TAOK1: variants seen among roughly 807,000 people sequenced by gnomAD.
TAOK1 encodes the protein TAO kinase 1, also known as serine/threonine-protein kinase TAO1.
A neutral mutation model predicts 138.3 loss-of-function variants in TAOK1; 21 were observed. That is an observed-to-expected ratio of 0.15 (90% CI 0.11 to 0.22). The LOEUF (loss-of-function observed/expected upper bound fraction) is 0.22. TAOK1 is among the 10% of genes least tolerant of loss of function. The pLI is 1.00. For synonymous variants in TAOK1, 361 were observed against 398.4 expected (o/e 0.91, Z 1.12); for missense variants, 651 against 1,227.7 (o/e 0.53, Z 7.02).
chr17:29,402,294 AAAG>A lies in TAOK1; in HGVS notation c.-95+11275_-95+11277del, dbSNP rs1289725064. On this transcript the variant is annotated intron_variant, in intron 1 of 19. Transcript: ENST00000261716. The stretch of plus-strand genomic sequence containing the variant: ...TCTCATGAATTGCAGAATTTTAAAA[AAAG>A]AAGACTTTCTATTTAATTTTTTTAA... Among the ~76,000 whole-genome samples, 4 of 152,254 alleles carry A rather than the reference AAAG, an allele frequency of 2.6e-5. No individual in the cohort carries two copies. The East Asian group carries it at 5.8e-4, about 22-fold the overall frequency.
At chr17:29,453,316 C>T (rs938218108) in intron 2 of TAOK1, among the ~76,000 whole-genome samples, 15 of 150,904 alleles carry the variant, frequency 9.9e-5, no homozygotes, top group Non-Finnish European at 1.8e-4. Context: ...CCCACCACCA[C>T]GCCCGGCTAA....
rs946556056 is a variant in TAOK1, at chr17:29,414,845, C to T, written c.-95+23821C>T. Among the ~76,000 whole-genome samples the T allele has an allele frequency of 2.6e-5, 4 of 152,326 alleles. No individual in the cohort carries two copies. In the South Asian group the frequency reaches 8.3e-4, roughly 32 times the overall value. ...AAGTGCTAGGATTACAGGCGTGAGC[C>T]ACCGCACCCTGCCTACTTTATTTTT... On this transcript the variant is annotated intron_variant, in intron 1 of 19. Transcript: ENST00000261716.
At chr17:29,405,945 T>A (rs1904979579) in intron 1 of TAOK1, among the ~76,000 whole-genome samples, 1 of 152,176 alleles carries the variant, frequency 6.6e-6, no homozygotes, top group South Asian at 2.1e-4. Context: ...ATTAATACAT[T>A]TTTTTGGTGT....
intron 11 of TAOK1, among the ~76,000 whole-genome samples, chr17:29,497,003 G>A (rs1364428162): frequency 6.6e-6 from 1 of 151,936 alleles, no homozygotes; most frequent in African/African-American, 2.4e-5. Context: ...TACTCTCAAG[G>A]CCAAGTTCTG....
intron 14 of TAOK1, among the ~76,000 whole-genome samples, chr17:29,509,627 CTCACACCTGTAA>C (rs1260231336): frequency 6.6e-6 from 1 of 151,582 alleles, no homozygotes; most frequent in Non-Finnish European, 1.5e-5. Context: ...GGTGCAGTGG[CTCACACCTGTAA>C]TCCCACCACT....
intron 15 of TAOK1, chr17:29,511,436 C>G (rs2031718073): frequency 6.6e-6 from 1 of 152,410 alleles, no homozygotes; most frequent in Admixed American, 6.6e-5. Flanking sequence ...CGGGGTTTCA[C>G]CATGTTAGCC....
chr17:29,502,625 A>G lies in TAOK1; in HGVS notation c.1240A>G (p.Thr414Ala). ...TTACAGAGAAGAGGGAGATCCTAGA[A>G]CAAGAGCATCAGATCCACAATCTCC... ...ENYREEGDPR[T>A]RASDPQSPPQ... The change falls in exon 13 of 20, where the codon ACA becomes GCA. Residue 414 changes from threonine (T) to alanine (A), a missense_variant. Physicochemically the swap from Thr to Ala is moderately conservative, Grantham distance 58 (BLOSUM62 0). Coordinates refer to ENST00000261716, the MANE Select transcript of TAOK1 (RefSeq NM_020791.4). The G allele has an allele frequency of 1.2e-6, 2 of 1,613,932 alleles. No homozygotes were observed. Among genetic ancestry groups the G allele is most frequent in the Non-Finnish European group, 8.5e-7 (1 of 1,179,940 alleles).
chr17:29,431,097 G>A (rs529298186), intron 1 of TAOK1, among the ~76,000 whole-genome samples: 15 of 152,278 alleles, frequency 9.9e-5, no homozygotes, highest in African/African-American at 3.6e-4. Flanking sequence ...CTTAGCACAA[G>A]TGATTCCATT....
chr17:29,419,821 A>G (rs537097278), intron 1 of TAOK1, among the ~76,000 whole-genome samples: 1 of 151,912 alleles, frequency 6.6e-6, no homozygotes, highest in Non-Finnish European at 1.5e-5. Context: ...TGAAAATGTT[A>G]TCTCCCCCCT....
chr17:29,542,592 A>G lies in TAOK1; in HGVS notation c.2576A>G (p.Glu859Gly). 6.2e-7 allele frequency: 1 copy of G among 1,610,818 alleles called. No individual in the cohort carries two copies. ...IEEEMLALQN[E>G]RTERIRSLLE... ...GAAGAGATGTTGGCTTTGCAGAATG[A>G]GCGCACAGAACGAATACGAAGCCTG... Residue 859 changes from glutamate (E) to glycine (G), a missense_variant, in exon 20 of 20, where the codon GAG becomes GGG. Physicochemically the swap from Glu to Gly is moderately conservative, Grantham distance 98. Around this residue, in one of 8 missense-constraint regions of TAOK1, gnomAD observed 258 missense variants for 548.9 expected, o/e 0.47. Transcript: ENST00000261716.
At chr17:29,502,787 C>T (rs772873578) in intron 13 of TAOK1, 64 bp downstream of exon 13, 3 of 1,540,598 alleles carry the variant, frequency 1.9e-6, no homozygotes, top group Non-Finnish European at 1.8e-6. Flanking sequence ...AATATAAACT[C>T]AAGTATAGCT....
At chr17:29,540,992 C>T (rs1008578553) in intron 19 of TAOK1, among the ~76,000 whole-genome samples, 68 of 152,070 alleles carry the variant, frequency 4.5e-4, no homozygotes, top group Non-Finnish European at 9.0e-4. Flanking sequence ...AGGCATGAGC[C>T]ACCACGCCCG....
intron 12 of TAOK1, among the ~76,000 whole-genome samples, chr17:29,499,904 G>C (rs1304843146): frequency 2.0e-5 from 3 of 152,114 alleles, no homozygotes; most frequent in African/African-American, 7.2e-5. Context: ...GAAAACTGTA[G>C]ATTCTGGGTT....
At chr17:29,434,341 C>T (rs767482110) in intron 1 of TAOK1, among the ~76,000 whole-genome samples, 2 of 152,072 alleles carry the variant, frequency 1.3e-5, no homozygotes, top group Non-Finnish European at 2.9e-5. Context: ...AGGGAAAAAG[C>T]CTCCTTTTAA....
chr17:29,447,955 CTTTTTTT>C (rs56163080), intron 1 of TAOK1, among the ~76,000 whole-genome samples: 2 of 93,270 alleles, frequency 2.1e-5, no homozygotes, highest in Non-Finnish European at 4.1e-5. Flanking sequence ...TGCACCTGGT[CTTTTTTT>C]TTTTTTTTTT....
At position 29,530,460 on chromosome 17, in the gene TAOK1, C is replaced by T. The variant is rs1443877227; in HGVS notation, c.2202C>T (p.Thr734=). 1.9e-6 allele frequency: 3 copies of T among 1,614,058 alleles called. No individual in the cohort carries two copies. Among genetic ancestry groups the T allele is most frequent in the South Asian group, 2.2e-5 (2 of 91,072 alleles). Residue 734 remains threonine, a synonymous_variant, in exon 18 of 20, where the codon ACC becomes ACT. Coordinates refer to ENST00000261716, the MANE Select transcript of TAOK1 (RefSeq NM_020791.4). ...TTCAGGATACCTGCAAAATCCAAAC[C>T]AGACAGTACAAAGCATTAAGAAATC... ...KQFQDTCKIQ[T]RQYKALRNHL...
intron 1 of TAOK1, among the ~76,000 whole-genome samples, chr17:29,409,421 G>A (rs892242353): frequency 7.0e-6 from 1 of 143,074 alleles, no homozygotes; most frequent in African/African-American, 2.6e-5. Flanking sequence ...TGCAAGCTCC[G>A]CCTCCCAGGT....
intron 1 of TAOK1, among the ~76,000 whole-genome samples, chr17:29,423,679 TC>T (rs1191645841): frequency 6.6e-6 from 1 of 152,198 alleles, no homozygotes; most frequent in Non-Finnish European, 1.5e-5. Flanking sequence ...TTGATATTTT[TC>T]TGATTTTTGA....
chr17:29,406,404 A>G (rs1465139008), intron 1 of TAOK1, among the ~76,000 whole-genome samples: 1 of 152,190 alleles, frequency 6.6e-6, no homozygotes, highest in Non-Finnish European at 1.5e-5. Flanking sequence ...ACCTGAGAGC[A>G]TGAATGATCA....
Sources: allele counts gnomAD v4.1 joint callset (sites outside exome capture counted in the v4.1 genomes callset), GRCh38; gene constraint gnomAD v4.1.1; regional missense constraint gnomAD v4.1.1; transcripts MANE v1.5; gene names NCBI Gene and HGNC (gene_info 2026-07-23, HGNC 2026-07-21).